The following SPEN variants were observed in gnomAD, a reference collection of about 807,000 sequenced individuals.
SPEN encodes msx2-interacting protein.
Under a neutral mutation model 269.9 loss-of-function variants are expected in SPEN, and 18 were observed. That is an observed-to-expected ratio of 0.07 (90% CI 0.05 to 0.10). The LOEUF (loss-of-function observed/expected upper bound fraction) is 0.10. Ranked by LOEUF, SPEN falls within the 10% of genes least tolerant of loss-of-function variation. The pLI, the probability that SPEN is intolerant of heterozygous loss-of-function variation, is 1.00. For missense variants in SPEN, 3,822 were observed against 4,631.2 expected (o/e 0.83, Z 5.07); for synonymous variants, 1,726 against 1,765.7 (o/e 0.98, Z 0.56).
chr1:15,894,533 G>GTTTTTTTT lies in SPEN; in HGVS notation c.882-14786_882-14785insTTTTTTTT, dbSNP rs35841965. On this transcript the variant is annotated intron_variant, in intron 3 of 14. Coordinates refer to ENST00000375759, the MANE Select transcript of SPEN (RefSeq NM_015001.3). ...TAGATCCTAAAACTACCATATTATG[G>GTTTTTTTT]TTGTTTTTTTTTTTTTTTTTTTTTT... Among the ~76,000 whole-genome samples the GTTTTTTTT allele has an allele frequency of 2.9e-3, 398 of 135,940 alleles. 16 individuals are homozygous for GTTTTTTTT. Among genetic ancestry groups the GTTTTTTTT allele is most frequent in the African/African-American group, 0.011 (378 of 33,620 alleles). 89.2% of individuals were successfully genotyped at this position (135,940 alleles called of 152,430 possible). A position where few individuals can be genotyped will look rare whatever the true frequency, so the allele number is the denominator to read the frequency against.
chr1:15,934,226 G>A lies in SPEN; in HGVS notation c.7986G>A (p.Leu2662=), dbSNP rs747079223. The A allele has an allele frequency of 1.9e-6, 3 of 1,614,226 alleles. No individual in the cohort carries two copies. The highest frequency in any genetic ancestry group is 4.5e-5 in the East Asian group (2 of 44,888). The change falls in exon 11 of 15, where the codon CTG becomes CTA. Residue 2662 remains leucine (L), a synonymous_variant. Transcript: ENST00000375759. This position sits in a 1 kb window ranked among gnomAD's most constrained non-coding sequence, Gnocchi z 9.2. ...TCACTGGCCTGGTGAACGTCTCCCTGGTCCCGGTGAATGCCCTGAAAGGCC... is the reference window on the plus strand; with the variant it reads ...TCACTGGCCTGGTGAACGTCTCCCTAGTCCCGGTGAATGCCCTGAAAGGCC... The part of the protein sequence containing the change: ...SALTGLVNVS[L]VPVNALKGPV...
At chr1:15,854,784 A>G (rs1361849361) in intron 1 of SPEN, among the ~76,000 whole-genome samples, 3 of 152,012 alleles carry the variant, frequency 2.0e-5, no homozygotes, top group African/African-American at 7.3e-5. Flanking sequence ...ACCGGCCAAA[A>G]CCATGTAATT....
intron 7 of SPEN, 62 bp downstream of exon 7, chr1:15,919,113 G>T (rs566861839): frequency 2.7e-6 from 4 of 1,507,438 alleles, no homozygotes; most frequent in Admixed American, 4.1e-5. Context: ...AAGACTTGAA[G>T]GGTTTTTTTT....
intron 3 of SPEN, among the ~76,000 whole-genome samples, chr1:15,881,914 G>T (rs976555987): frequency 2.6e-5 from 4 of 152,156 alleles, no homozygotes; most frequent in African/African-American, 9.7e-5. Context: ...TCGTATAGTG[G>T]ACAAAATATA....
chr1:15,933,301 G>T lies in SPEN; in HGVS notation c.7061G>T (p.Ser2354Ile). ...TNKKVVAPVE[S>I]HVPESNQAQG... ...AAGAAAGTGGTGGCTCCTGTAGAGAGCCATGTCCCTGAATCCAACCAAGCT... is the reference window on the plus strand; with the variant it reads ...AAGAAAGTGGTGGCTCCTGTAGAGATCCATGTCCCTGAATCCAACCAAGCT... Residue 2354 changes from serine (S) to isoleucine (I), a missense_variant, in exon 11 of 15, where the codon AGC becomes ATC. Physicochemically the swap from Ser to Ile is moderately radical, Grantham distance 142. Transcript: ENST00000375759. This position sits in a 1 kb window ranked among gnomAD's most constrained non-coding sequence, Gnocchi z 5.7. 1 of 1,614,114 alleles carries T rather than the reference G, an allele frequency of 6.2e-7. No individual in the cohort carries two copies. Among genetic ancestry groups the T allele is most frequent in the African/African-American group, 1.3e-5 (1 of 75,016 alleles).
In SPEN at chr1:15,929,035, T is replaced by C. The variant is rs2071195789; in HGVS notation, c.2795T>C (p.Leu932Pro). 8.1e-6 allele frequency: 13 copies of C among 1,614,118 alleles called. No homozygotes were observed. Among genetic ancestry groups the C allele is most frequent in the Non-Finnish European group, 1.1e-5 (13 of 1,180,026 alleles). The change falls in exon 11 of 15, where the codon CTG becomes CCG. Residue 932 changes from leucine (L) to proline (P), a missense_variant. Leu to Pro is a moderately conservative substitution (Grantham distance 98). Around this residue, in one of 16 missense-constraint regions of SPEN, gnomAD observed 572 missense variants for 582.6 expected, o/e 0.98. Transcript: ENST00000375759. This position sits in a 1 kb window ranked among gnomAD's most constrained non-coding sequence, Gnocchi z 5.8. The part of the protein sequence containing the change: ...TEPAKSDLSK[L>P]ESVRMKVPKE... ...CCTGCAAAATCTGACTTGTCTAAAC[T>C]GGAATCAGTTAGAATGAAAGTACCA... is the stretch of plus-strand genomic sequence containing the variant.
At chr1:15,888,787 A>G (rs992971016) in intron 3 of SPEN, among the ~76,000 whole-genome samples, 3 of 151,536 alleles carry the variant, frequency 2.0e-5, no homozygotes, top group African/African-American at 4.9e-5. Context: ...ATGCGCCACC[A>G]TGCCCAGCTA....
At position 15,918,993 on chromosome 1, in the gene SPEN, G is replaced by A; in HGVS notation, c.1463G>A (p.Ser488Asn). The A allele has an allele frequency of 1.9e-6, 3 of 1,610,586 alleles. No individual in the cohort carries two copies. Among genetic ancestry groups the A allele is most frequent in the Non-Finnish European group, 2.5e-6 (3 of 1,177,502 alleles). The change falls in exon 7 of 15, where the codon AGC (serine) becomes AAC (asparagine). Residue 488 changes from serine to asparagine, a missense_variant. Physicochemically the swap from Ser to Asn is conservative, Grantham distance 46. Transcript: ENST00000375759. ...TTTCTGCAATACTGTGATATTGCTA[G>A]CGTTTGTAAAGCTATTAAGAAGATG... Reference protein sequence around the residue: ...YAFLQYCDIASVCKAIKKMDG... With the variant: ...YAFLQYCDIANVCKAIKKMDG...
intron 6 of SPEN, among the ~76,000 whole-genome samples, chr1:15,917,069 G>A (rs559382607): frequency 1.2e-4 from 19 of 152,258 alleles, no homozygotes; most frequent in Non-Finnish European, 2.6e-4. Context: ...CAGAGGCTGC[G>A]GTGAGCCGAG....
At chr1:15,919,852 C>A (rs2071099700) in intron 8 of SPEN, among the ~76,000 whole-genome samples, 1 of 152,046 alleles carries the variant, frequency 6.6e-6, no homozygotes. Flanking sequence ...CACATTTACA[C>A]TAAATATGTA....
chr1:15,935,492 C>T lies in SPEN; in HGVS notation c.9252C>T (p.Ile3084=). Residue 3084 remains isoleucine, a synonymous_variant, in exon 11 of 15, where the codon ATC becomes ATT. Transcript: ENST00000375759. This position sits in a 1 kb window ranked among gnomAD's most constrained non-coding sequence, Gnocchi z 7.7. ...CTGTCATCATGCCACCCCACAGCAT[C>T]ACCCAGACTGTGTCCCTGAGCCACC... ...EQSVIMPPHS[I]TQTVSLSHLS... The T allele has an allele frequency of 1.2e-6, 2 of 1,614,132 alleles. No individual in the cohort carries two copies. Among genetic ancestry groups the T allele is most frequent in the East Asian group, 4.5e-5 (2 of 44,870 alleles).
intron 3 of SPEN, among the ~76,000 whole-genome samples, chr1:15,885,729 A>T (rs894513479): frequency 6.6e-6 from 1 of 152,218 alleles, no homozygotes; most frequent in African/African-American, 2.4e-5. Context: ...TCCCTGCTTA[A>T]TGCTATTTTG....
intron 5 of SPEN, among the ~76,000 whole-genome samples, chr1:15,911,734 G>T (rs939234686): frequency 1.3e-5 from 2 of 152,338 alleles, no homozygotes; most frequent in Non-Finnish European, 2.9e-5. Flanking sequence ...GCTGAGGTGG[G>T]TGGATCATCT....
At chr1:15,923,261 A>G (rs1351739449) in intron 10 of SPEN, among the ~76,000 whole-genome samples, 11 of 152,158 alleles carry the variant, frequency 7.2e-5, no homozygotes, top group Admixed American at 6.5e-4. Context: ...AGTATTTAAT[A>G]TTTTTTCTGC....
intron 10 of SPEN, among the ~76,000 whole-genome samples, chr1:15,923,091 T>C (rs768673849): frequency 5.9e-5 from 9 of 152,126 alleles, no homozygotes; most frequent in Admixed American, 5.2e-4. Flanking sequence ...AATAAATAAA[T>C]AAAAACTTCC....
At chr1:15,849,105 CAGAT>C (rs908061296) in intron 1 of SPEN, among the ~76,000 whole-genome samples, 36 of 152,296 alleles carry the variant, frequency 2.4e-4, no homozygotes, top group Middle Eastern at 6.8e-3. Flanking sequence ...TGTACCGTAA[CAGAT>C]AGGCCTCCGC....
At position 15,877,261 on chromosome 1, in the gene SPEN, C is replaced by G. The variant is rs6693014; in HGVS notation, c.881+583C>G. ...AACTGATCTCACTAGTTGAGAATTT[C>G]TTTCTACAAATATATATATATATTT... is the stretch of plus-strand genomic sequence containing the variant. On this transcript the variant is annotated intron_variant, in intron 3 of 14. Coordinates refer to ENST00000375759, the MANE Select transcript of SPEN (RefSeq NM_015001.3). Among the ~76,000 whole-genome samples, 496 of 152,220 alleles carry G rather than the reference C, an allele frequency of 3.3e-3. 1 individual carries two copies. Among genetic ancestry groups the G allele is most frequent in the African/African-American group, 0.011 (451 of 41,536 alleles).
At chr1:15,927,802 A>T (rs566139239) in intron 10 of SPEN, among the ~76,000 whole-genome samples, 6 of 152,248 alleles carry the variant, frequency 3.9e-5, no homozygotes, top group Non-Finnish European at 7.3e-5. Flanking sequence ...TTTCTTTAAT[A>T]TATCTAAAAC....
At position 15,891,999 on chromosome 1, in the gene SPEN, C is replaced by G. The variant is rs1201070002; in HGVS notation, c.881+15321C>G. ...AAGCATATTACTACATTAATTACAT[C>G]TGTTTCTTTTTACTTTTTTTTTTTT... On this transcript the variant is annotated intron_variant, in intron 3 of 14. Transcript: ENST00000375759. 3.7e-5 allele frequency among the ~76,000 whole-genome samples: 5 copies of G among 135,840 alleles called. No homozygotes were observed. In the Admixed American group the frequency reaches 3.9e-4, roughly 11 times the overall value. 89.1% of individuals were successfully genotyped at this position (135,840 alleles called of 152,430 possible).
Sources: allele counts gnomAD v4.1 joint callset (sites outside exome capture counted in the v4.1 genomes callset), GRCh38; gene constraint gnomAD v4.1.1; regional missense constraint gnomAD v4.1.1; non-coding constraint Gnocchi (gnomAD v3.1); transcripts MANE v1.5; gene names NCBI Gene and HGNC (gene_info 2026-07-23, HGNC 2026-07-21).